The following RPF1 variants were observed in gnomAD, a reference collection of about 807,000 sequenced individuals.
RPF1 encodes the protein ribosome production factor 1.
RPF1 carries 34 observed loss-of-function variants against 41.9 expected under a neutral mutation model. The ratio of observed to expected loss-of-function variants is 0.81; its 90% CI spans 0.62 to 1.08. RPF1 has a LOEUF of 1.08. RPF1 is among the 50% of genes least tolerant of loss of function. RPF1 has a pLI of 0.00. For synonymous variants in RPF1, 140 were observed against 148.9 expected, an observed-to-expected ratio of 0.94 and a Z score of 0.43; for missense variants, 425 against 435.2, an observed-to-expected ratio of 0.98 and a Z score of 0.21.
chr1:84,495,991 ATCC>A lies in RPF1; in HGVS notation c.812_814del (p.Pro271del). The stretch of plus-strand genomic sequence containing the variant: ...ATGTTTGCATCTCTCTTTCCTCATA[ATCC>A]TCAATTTATCGGAAGGCAGGTTGCC... On this transcript the variant is annotated inframe_deletion, in exon 7 of 9. Coordinates refer to ENST00000370654, the MANE Select transcript of RPF1 (RefSeq NM_025065.7). 1 of 1,611,550 alleles carries A rather than the reference ATCC, an allele frequency of 6.2e-7. No homozygotes were observed. Among genetic ancestry groups the A allele is most frequent in the Non-Finnish European group, 8.5e-7 (1 of 1,177,720 alleles).
Position 84,489,529 on chromosome 1 carries a change from A to G in RPF1, c.367-104A>G, listed in dbSNP as rs1417378188. On this transcript the variant is annotated intron_variant, in intron 3 of 8. Transcript: ENST00000370654. ...CTAGTCTGTCTTTAAAGCCCCTATC[A>G]GCTAGATACTCAGTGTCCAACAGTC... is the stretch of plus-strand genomic sequence containing the variant. 1.8e-5 allele frequency: 12 copies of G among 677,962 alleles called. No individual in the cohort carries two copies. The East Asian group carries it at 3.0e-4, about 17-fold the overall frequency. 42.0% of individuals were successfully genotyped at this position (677,962 alleles called of 1,614,324 possible).
chr1:84,492,568 C>G (rs1396644952), intron 5 of RPF1, among the ~76,000 whole-genome samples: 1 of 152,130 alleles, frequency 6.6e-6, no homozygotes, highest in Non-Finnish European at 1.5e-5. Flanking sequence ...CTTTAGAGTT[C>G]CCACAAAGAT....
chr1:84,479,572 G>C lies in RPF1; in HGVS notation c.228+63G>C, dbSNP rs1403438862. ...TGTTCCTGACGCTTAGGGCGGTCGC[G>C]GGGCGCACATCTGTGGTTGTCTGCT... is the stretch of plus-strand genomic sequence containing the variant. On this transcript the variant is annotated intron_variant, in intron 1 of 8. Transcript: ENST00000370654. 8 of 1,484,732 alleles carry C rather than the reference G, an allele frequency of 5.4e-6. No homozygotes were observed. In the Admixed American group the frequency reaches 1.1e-4, roughly 20 times the overall value. 92.0% of individuals were successfully genotyped at this position (1,484,732 alleles called of 1,614,324 possible). A position where few individuals can be genotyped will look rare whatever the true frequency, so the allele number is the denominator to read the frequency against.
intron 3 of RPF1, among the ~76,000 whole-genome samples, chr1:84,486,480 C>T (rs569922155): frequency 8.2e-5 from 12 of 147,098 alleles, no homozygotes; most frequent in East Asian, 4.1e-4. Context: ...CCCAGCTACT[C>T]GGGAGGCTGA....
rs1681965583 is a variant in RPF1, at chr1:84,497,615, A to G, written c.*145A>G. ...CTGGACGAATTACCAAATGCCATGAATTGCCACTGTGTGTTTATGTAGAAA... is the reference window on the plus strand; with the variant it reads ...CTGGACGAATTACCAAATGCCATGAGTTGCCACTGTGTGTTTATGTAGAAA... On this transcript the variant is annotated 3_prime_UTR_variant, in exon 9 of 9. Transcript: ENST00000370654. 5 of 509,072 alleles carry G rather than the reference A, an allele frequency of 9.8e-6. No homozygotes were observed. In the Admixed American group the frequency reaches 2.0e-4, roughly 20 times the overall value. The allele number at this position is 509,072 out of a possible 1,614,324, so 31.5% of individuals were successfully genotyped here. A position where few individuals can be genotyped will look rare whatever the true frequency, so the allele number is the denominator to read the frequency against.
intron 3 of RPF1, 22 bp downstream of exon 3, chr1:84,483,017 T>G: frequency 7.3e-7 from 1 of 1,365,346 alleles, no homozygotes; most frequent in South Asian, 1.2e-5. Context: ...AGTCTTAAAT[T>G]AGTTTGAATG....
intron 3 of RPF1, among the ~76,000 whole-genome samples, chr1:84,483,691 T>C (rs1681691039): frequency 6.6e-6 from 1 of 152,228 alleles, no homozygotes; most frequent in South Asian, 2.1e-4. Context: ...CAAGATAATC[T>C]TTCACTTTGC....
At chr1:84,481,108 C>T (rs1681639870) in intron 2 of RPF1, 96 bp downstream of exon 2, 7 of 681,420 alleles carry the variant, frequency 1.0e-5, no homozygotes, top group Admixed American at 2.6e-5. Context: ...TTTATTATTA[C>T]GTATTTCAGA....
chr1:84,496,770 T>C (rs1195660131), intron 8 of RPF1, among the ~76,000 whole-genome samples: 1 of 152,208 alleles, frequency 6.6e-6, no homozygotes, highest in Non-Finnish European at 1.5e-5. Context: ...TAAGCCTGTG[T>C]TATATGTGAC....
At chr1:84,494,772 C>G (rs954339937) in intron 5 of RPF1, among the ~76,000 whole-genome samples, 9 of 152,178 alleles carry the variant, frequency 5.9e-5, no homozygotes, top group African/African-American at 1.9e-4. Flanking sequence ...TGGGAAATGA[C>G]AGTCAGTGAA....
intron 3 of RPF1, among the ~76,000 whole-genome samples, chr1:84,484,959 A>G (rs910481845): frequency 6.6e-6 from 1 of 152,166 alleles, no homozygotes; most frequent in Non-Finnish European, 1.5e-5. Context: ...GGCGTGAGCC[A>G]CCGCACTTAG....
chr1:84,490,602 C>G (rs931167001), intron 5 of RPF1, 130 bp downstream of exon 5: 2 of 659,824 alleles, frequency 3.0e-6, no homozygotes, highest in Non-Finnish European at 4.8e-6. Flanking sequence ...AATTGTATCT[C>G]TTTCCAAGAG....
intron 1 of RPF1, among the ~76,000 whole-genome samples, chr1:84,480,088 T>C (rs1028583428): frequency 1.3e-5 from 2 of 152,190 alleles, no homozygotes; most frequent in African/African-American, 2.4e-5. Context: ...TAAATTGCAA[T>C]TGGAAGAAAA....
At chr1:84,488,696 ATGAGT>A (rs1320039458) in intron 3 of RPF1, among the ~76,000 whole-genome samples, 1 of 152,126 alleles carries the variant, frequency 6.6e-6, no homozygotes, top group Non-Finnish European at 1.5e-5. Context: ...ATAGATTATT[ATGAGT>A]TAAGGGTTAA....
rs11440073 is a variant in RPF1 at position 84,490,478 on chromosome 1, C to CTT, written c.616+16_616+17dup. On this transcript the variant is annotated splice_region_variant and intron_variant, in intron 5 of 8. Coordinates refer to ENST00000370654, the MANE Select transcript of RPF1 (RefSeq NM_025065.7). ...TGAAGATCGTAAAACCCCAAGTATC[C>CTT]TTTTTTTTTTTAAGGAGGTTTTCCT... The CTT allele has an allele frequency of 3.4e-3, 4,361 of 1,273,558 alleles. No individual in the cohort carries two copies. The highest frequency in any genetic ancestry group is 0.012 in the African/African-American group (811 of 65,044). 78.9% of individuals were successfully genotyped at this position (1,273,558 alleles called of 1,614,324 possible).
chr1:84,488,055 T>C (rs1681765024), intron 3 of RPF1, among the ~76,000 whole-genome samples: 1 of 152,080 alleles, frequency 6.6e-6, no homozygotes, highest in Non-Finnish European at 1.5e-5. Flanking sequence ...GCATCATTAG[T>C]TAATTATTTA....
chr1:84,482,450 C>G (rs1192808556), intron 2 of RPF1, among the ~76,000 whole-genome samples: 1 of 152,118 alleles, frequency 6.6e-6, no homozygotes, highest in Non-Finnish European at 1.5e-5. Flanking sequence ...CATTTACATT[C>G]CTGAACATAA....
intron 5 of RPF1, among the ~76,000 whole-genome samples, chr1:84,493,424 G>A (rs1681869700): frequency 1.3e-5 from 2 of 151,578 alleles, no homozygotes; most frequent in African/African-American, 2.4e-5. Context: ...TGGGCAACAT[G>A]GCAAAACCCT....
rs1347010034 is a variant in RPF1, at chr1:84,489,699, C to G, written c.433C>G (p.Leu145Val). Residue 145 changes from leucine (L) to valine (V), a missense_variant, in exon 4 of 9, where the codon CTC (leucine) becomes GTC (valine). By Grantham distance (32) the Leu-to-Val change is conservative. Transcript: ENST00000370654. ...YFNKQTSPKILITTSDRPHGR... is the reference protein window; with the variant it reads ...YFNKQTSPKIVITTSDRPHGR... ...CAACAAACAGACTTCTCCCAAGATTCTCATCACAACATCAGATAGACCTCA... is the reference window on the plus strand; with the variant it reads ...CAACAAACAGACTTCTCCCAAGATTGTCATCACAACATCAGATAGACCTCA... 6.2e-7 allele frequency: 1 copy of G among 1,603,316 alleles called. No homozygotes were observed. The highest frequency in any genetic ancestry group is 1.3e-5 in the African/African-American group (1 of 74,720).
Sources: allele counts gnomAD v4.1 joint callset (sites outside exome capture counted in the v4.1 genomes callset), GRCh38; gene constraint gnomAD v4.1.1; transcripts MANE v1.5; gene names NCBI Gene and HGNC (gene_info 2026-07-23, HGNC 2026-07-21).